The following TNPO3 variants were observed in gnomAD, a reference collection of about 807,000 sequenced individuals.
The protein encoded by TNPO3 is transportin 3, also known as transportin-3.
Under a neutral mutation model 122.8 loss-of-function variants are expected in TNPO3, and 65 were observed. That is an observed-to-expected ratio of 0.53 (90% CI 0.43 to 0.65). TNPO3 has a LOEUF of 0.65. Among genes scored for constraint, TNPO3 ranks in the 30% least tolerant of loss-of-function variants. The pLI is 0.00. For missense variants in TNPO3, 850 were observed against 1,136.7 expected (o/e 0.75, Z 3.63); for synonymous variants, 372 against 411.2 (o/e 0.90, Z 1.15).
At chr7:128,967,485 TTAG>T in intron 20 of TNPO3, 93 bp from the exon 21 acceptor site, 1 of 768,864 alleles carries the variant, frequency 1.3e-6, no homozygotes, top group African/African-American at 1.7e-5. Flanking sequence ...CAAATTTTCC[TTAG>T]TAGCATTTAC....
chr7:128,989,505 A>G (rs542154144), intron 11 of TNPO3, among the ~76,000 whole-genome samples: 1 of 152,326 alleles, frequency 6.6e-6, no homozygotes, highest in South Asian at 2.1e-4. Flanking sequence ...GGACACCCAG[A>G]GGTTATATAA....
chr7:129,007,698 G>A (rs558763798), intron 4 of TNPO3, among the ~76,000 whole-genome samples: 10 of 152,360 alleles, frequency 6.6e-5, no homozygotes, highest in Non-Finnish European at 1.3e-4. Context: ...ATATATGCTT[G>A]TTGGAAAAAG....
chr7:128,978,959 TC>T, intron 16 of TNPO3, 23 bp downstream of exon 16: 1 of 1,612,500 alleles, frequency 6.2e-7, no homozygotes, highest in Middle Eastern at 1.7e-4. Flanking sequence ...ATGGAACACG[TC>T]CCCCCGCAAC....
intron 11 of TNPO3, among the ~76,000 whole-genome samples, chr7:128,987,419 A>G (rs1254649949): frequency 6.6e-6 from 1 of 152,188 alleles, no homozygotes; most frequent in African/African-American, 2.4e-5. Context: ...AATCTTTAGC[A>G]CTTCTAGATG....
At position 129,017,054 on chromosome 7, in the gene TNPO3, C is replaced by T. The variant is rs762539078; in HGVS notation, c.324G>A (p.Leu108=). ...KDLSPVIVTQ[L]ALAIADLALQ... ...GGGCAAGATCTGCTATTGCTAAAGC[C>T]AGCTGAATAAGAGAGATTAAATAAA... is the stretch of plus-strand genomic sequence containing the variant. Residue 108 remains leucine, a splice_region_variant and synonymous_variant, in exon 3 of 23, where the codon CTG becomes CTA. Coordinates refer to ENST00000265388, the MANE Select transcript of TNPO3 (RefSeq NM_012470.4). 1 of 1,611,184 alleles carries T rather than the reference C, an allele frequency of 6.2e-7. No individual in the cohort carries two copies. The highest frequency in any genetic ancestry group is 1.3e-5 in the African/African-American group (1 of 74,882).
chr7:129,019,162 AT>A (rs1327617124), intron 1 of TNPO3, among the ~76,000 whole-genome samples: 5 of 152,252 alleles, frequency 3.3e-5, no homozygotes, highest in African/African-American at 9.6e-5. Context: ...GCCAGTCACA[AT>A]TATAAAGGGG....
At chr7:129,017,873 C>T in intron 2 of TNPO3, 84 bp downstream of exon 2, 1 of 1,376,356 alleles carries the variant, frequency 7.3e-7, no homozygotes, top group South Asian at 1.2e-5. Flanking sequence ...CATTACCTCA[C>T]ATGGCCTAGC....
At chr7:129,041,125 G>A (rs1428627938) in intron 1 of TNPO3, among the ~76,000 whole-genome samples, 1 of 152,066 alleles carries the variant, frequency 6.6e-6, no homozygotes. Context: ...CGAGCTTTCA[G>A]AGGCCTAGGC....
At position 128,986,641 on chromosome 7, in the gene TNPO3, C is replaced by T. The variant is rs1371402096; in HGVS notation, c.1690+88G>A. 8 of 1,267,174 alleles carry T rather than the reference C, an allele frequency of 6.3e-6. 1 individual carries two copies. The highest frequency in any genetic ancestry group is 3.9e-4 in the Middle Eastern group (2 of 5,100). The allele number at this position is 1,267,174 out of a possible 1,614,324, so 78.5% of individuals were successfully genotyped here. On this transcript the variant is annotated intron_variant, in intron 12 of 22. Coordinates refer to ENST00000265388, the MANE Select transcript of TNPO3 (RefSeq NM_012470.4). ...AAATTCTTAAACACTAAGTACATTG[C>T]AACTGAAAAACTGGGATATGACAGA...
rs1798037237 is a variant in TNPO3, at chr7:128,967,498, C to G, written c.2599-106G>C. 3 of 673,458 alleles carry G rather than the reference C, an allele frequency of 4.5e-6. No individual in the cohort carries two copies. In the East Asian group the frequency reaches 8.3e-5, roughly 19 times the overall value. The allele number at this position is 673,458 out of a possible 1,614,324, so 41.7% of individuals were successfully genotyped here. A position where few individuals can be genotyped will look rare whatever the true frequency, so the allele number is the denominator to read the frequency against. ...CACAAATTTTCCTTAGTAGCATTTA[C>G]TTCCCTACACTTGGGAGCAAGTAAA... On this transcript the variant is annotated intron_variant, in intron 20 of 22. Transcript: ENST00000265388.
At chr7:128,996,084 A>C (rs921833030) in intron 8 of TNPO3, among the ~76,000 whole-genome samples, 1 of 152,214 alleles carries the variant, frequency 6.6e-6, no homozygotes, top group African/African-American at 2.4e-5. Flanking sequence ...GTGGAGATAC[A>C]AAATACCATG....
chr7:129,037,214 T>C (rs1354742241), intron 1 of TNPO3, among the ~76,000 whole-genome samples: 1 of 152,194 alleles, frequency 6.6e-6, no homozygotes, highest in Non-Finnish European at 1.5e-5. Flanking sequence ...ACCTAAGATA[T>C]ATAATGACAG....
intron 17 of TNPO3, 61 bp downstream of exon 17, chr7:128,975,758 C>T (rs540559081): frequency 2.6e-5 from 25 of 956,350 alleles, no homozygotes; most frequent in Middle Eastern, 4.3e-4. Context: ...GTAAAGAATA[C>T]GCTGCTAGGC....
chr7:128,993,074 C>T (rs1250721331), intron 9 of TNPO3, among the ~76,000 whole-genome samples: 1 of 150,620 alleles, frequency 6.6e-6, no homozygotes, highest in Non-Finnish European at 1.5e-5. Context: ...AATAGTTATA[C>T]TTTTATTAAT....
rs984287223 is a variant in TNPO3 at position 129,053,729 on chromosome 7, T to TA, written c.120+921dup. Among the ~76,000 whole-genome samples, 78 of 152,156 alleles carry TA rather than the reference T, an allele frequency of 5.1e-4. 1 individual carries two copies. The highest frequency in any genetic ancestry group is 1.7e-3 in the African/African-American group (72 of 41,490). On this transcript the variant is annotated intron_variant, in intron 1 of 22. Coordinates refer to ENST00000265388, the MANE Select transcript of TNPO3 (RefSeq NM_012470.4). The stretch of plus-strand genomic sequence containing the variant: ...TAAAGGTGAGTATTTTGTCAGCCTG[T>TA]AAAAAAAGCCTCTTTAGTTTTCAAA...
At chr7:128,976,602 C>A (rs1311637963) in intron 16 of TNPO3, among the ~76,000 whole-genome samples, 1 of 152,034 alleles carries the variant, frequency 6.6e-6, no homozygotes, top group Non-Finnish European at 1.5e-5. Flanking sequence ...GCCTCCCGAG[C>A]AGCTGGGACT....
intron 4 of TNPO3, among the ~76,000 whole-genome samples, chr7:129,007,829 G>C (rs2150401234): frequency 6.6e-6 from 1 of 152,340 alleles, no homozygotes; most frequent in Non-Finnish European, 1.5e-5. Flanking sequence ...AAGAGGCACA[G>C]AGTAAATATC....
Position 129,050,021 on chromosome 7 carries a change from C to T in TNPO3, c.120+4630G>A, listed in dbSNP as rs201209036. Among the ~76,000 whole-genome samples, 7 of 152,178 alleles carry T rather than the reference C, an allele frequency of 4.6e-5. No homozygotes were observed. In the East Asian group the frequency reaches 9.7e-4, roughly 21 times the overall value. ...AGAGGATTGCCTGAGACCAAGAGTTCGGGTCCAACCTGGGCAATATAGCGA... is the reference window on the plus strand; with the variant it reads ...AGAGGATTGCCTGAGACCAAGAGTTTGGGTCCAACCTGGGCAATATAGCGA... On this transcript the variant is annotated intron_variant, in intron 1 of 22. Transcript: ENST00000265388.
chr7:128,989,898 G>A, intron 11 of TNPO3, 63 bp downstream of exon 11: 2 of 1,572,944 alleles, frequency 1.3e-6, no homozygotes, highest in Non-Finnish European at 8.7e-7. Flanking sequence ...AAAAGTAAGA[G>A]ATGAGAAGAA....
Sources: gnomAD v4.1 joint callset for allele counts (sites outside exome capture counted in the v4.1 genomes callset) on GRCh38, gnomAD v4.1.1 for gene constraint, MANE v1.5 for transcripts, NCBI Gene and HGNC (gene_info 2026-07-23, HGNC 2026-07-21) for gene names.